Variants in NXPE4 observed in about 807,000 individuals in gnomAD.
The protein encoded by NXPE4 is NXPE family member 4.
NXPE4 carries 42 observed loss-of-function variants against 33.3 expected under a neutral mutation model. The observed-to-expected ratio is 1.26, with a 90% CI of 0.98 to 1.63. The LOEUF is 1.63. Ranked by LOEUF, NXPE4 falls within the 40% of genes most tolerant of loss-of-function variation. The probability of loss-of-function intolerance (pLI) is 0.00; values close to 1 mark genes in which losing one functional copy is unlikely to be tolerated. For synonymous variants in NXPE4, 253 were observed against 234.9 expected, an observed-to-expected ratio of 1.08 and a Z score of -0.71; for missense variants, 709 against 647.6, an observed-to-expected ratio of 1.09 and a Z score of -1.03.
the NXPE4 span, among the ~76,000 whole-genome samples, chr11:114,603,713 G>A: frequency 1.8e-4 from 27 of 150,960 alleles, no homozygotes; most frequent in Non-Finnish European, 3.2e-4. Context: ...GTATTGCCTC[G>A]TCTCCTAGTT....
At chr11:114,626,372 AC>A in the NXPE4 span, among the ~76,000 whole-genome samples, 1 of 152,024 alleles carries the variant, frequency 6.6e-6, no homozygotes, top group African/African-American at 2.4e-5. Context: ...CTGACCCCTG[AC>A]CCCCGAGCAG....
the NXPE4 span, among the ~76,000 whole-genome samples, chr11:114,606,398 G>C: frequency 2.0e-5 from 3 of 151,896 alleles, no homozygotes; most frequent in Non-Finnish European, 2.9e-5. Context: ...GGTAACCACT[G>C]TTACCCGGTG....
intron 4 of NXPE4, 92 bp from the exon 5 acceptor site, chr11:114,580,430 AGG>A: frequency 9.7e-7 from 1 of 1,031,760 alleles, no homozygotes; most frequent in Non-Finnish European, 1.5e-6. Flanking sequence ...GTATCCTAAG[AGG>A]GGGTAAGGTG....
chr11:114,621,065 A>G, the NXPE4 span, among the ~76,000 whole-genome samples: 2 of 152,166 alleles, frequency 1.3e-5, no homozygotes, highest in Non-Finnish European at 2.9e-5. Context: ...GTTGGTAACC[A>G]CTATTACCCC....
At chr11:114,640,991 A>G in the NXPE4 span, among the ~76,000 whole-genome samples, 2 of 152,066 alleles carry the variant, frequency 1.3e-5, no homozygotes, top group South Asian at 4.1e-4. Flanking sequence ...AAGTGTAATC[A>G]ACATCATTGG....
chr11:114,623,110 A>C, the NXPE4 span, among the ~76,000 whole-genome samples: 4 of 152,152 alleles, frequency 2.6e-5, no homozygotes, highest in Non-Finnish European at 5.9e-5. Flanking sequence ...CTGGCGGATA[A>C]GCACTGTTAC....
the NXPE4 span, among the ~76,000 whole-genome samples, chr11:114,639,293 G>C: frequency 6.6e-6 from 1 of 152,078 alleles, no homozygotes; most frequent in African/African-American, 2.4e-5. Flanking sequence ...ATAATCTCCT[G>C]GTGCACCGTT....
chr11:114,646,295 T>C, the NXPE4 span, among the ~76,000 whole-genome samples: 1 of 151,678 alleles, frequency 6.6e-6, no homozygotes, highest in Non-Finnish European at 1.5e-5. Flanking sequence ...ATTTTTTTCA[T>C]AAATATTATG....
chr11:114,604,914 G>A, the NXPE4 span, among the ~76,000 whole-genome samples: 1 of 151,884 alleles, frequency 6.6e-6, no homozygotes, highest in African/African-American at 2.4e-5. Flanking sequence ...TGGATAATTA[G>A]TGTTGCCTCT....
chr11:114,629,730 T>G, the NXPE4 span, among the ~76,000 whole-genome samples: 1 of 151,736 alleles, frequency 6.6e-6, no homozygotes, highest in African/African-American at 2.4e-5. Flanking sequence ...GAAGTCAAAT[T>G]GTCCCTGTTT....
the NXPE4 span, among the ~76,000 whole-genome samples, chr11:114,668,782 T>C: frequency 1.5e-3 from 225 of 152,208 alleles, no homozygotes; most frequent in African/African-American, 5.2e-3. Flanking sequence ...GACAGCATTT[T>C]TGGAATGGTG....
the NXPE4 span, among the ~76,000 whole-genome samples, chr11:114,667,421 TA>T: frequency 6.6e-6 from 1 of 152,144 alleles, no homozygotes; most frequent in African/African-American, 2.4e-5. Flanking sequence ...ATCCATTAAT[TA>T]AACACGCAAC....
chr11:114,663,696 A>G, the NXPE4 span, among the ~76,000 whole-genome samples: 1 of 151,040 alleles, frequency 6.6e-6, no homozygotes, highest in African/African-American at 2.4e-5. Context: ...CTATCTATCT[A>G]TCTATCTATC....
the NXPE4 span, among the ~76,000 whole-genome samples, chr11:114,630,835 C>G: frequency 6.6e-6 from 1 of 151,668 alleles, no homozygotes; most frequent in African/African-American, 2.4e-5. Context: ...AAGAAAAAAA[C>G]AAACAACCCC....
At chr11:114,674,441 T>C in the NXPE4 span, among the ~76,000 whole-genome samples, 1 of 151,750 alleles carries the variant, frequency 6.6e-6, no homozygotes, top group Non-Finnish European at 1.5e-5. Context: ...TCCTATTGTA[T>C]GTGGTCAAAG....
chr11:114,609,707 C>G, the NXPE4 span, among the ~76,000 whole-genome samples: 1 of 151,168 alleles, frequency 6.6e-6, no homozygotes, highest in Non-Finnish European at 1.5e-5. Flanking sequence ...ACCACTGTTA[C>G]CCGGTGGATA....
At chr11:114,623,505 AT>A in the NXPE4 span, among the ~76,000 whole-genome samples, 1 of 152,002 alleles carries the variant, frequency 6.6e-6, no homozygotes, top group Non-Finnish European at 1.5e-5. Flanking sequence ...TACCCAGTGG[AT>A]AATAAGTATT....
At chr11:114,666,899 T>G in the NXPE4 span, among the ~76,000 whole-genome samples, 1 of 152,136 alleles carries the variant, frequency 6.6e-6, no homozygotes, top group Middle Eastern at 3.2e-3. Context: ...ATACCCACAC[T>G]TCTCTTTATA....
At chr11:114,648,449 C>A in the NXPE4 span, among the ~76,000 whole-genome samples, 35 of 152,320 alleles carry the variant, frequency 2.3e-4, 1 homozygote, top group South Asian at 7.0e-3. Context: ...TTCAGGCTTT[C>A]ACAAATTGGA....
Sources: allele counts gnomAD v4.1 joint callset (sites outside exome capture counted in the v4.1 genomes callset), GRCh38; gene constraint gnomAD v4.1.1; transcripts MANE v1.5; gene names NCBI Gene and HGNC (gene_info 2026-07-23, HGNC 2026-07-21).